Variants in RNF130 observed in about 807,000 individuals in gnomAD.
RNF130 encodes the protein ring finger protein 130.
In RNF130, 21 loss-of-function variants were observed where a neutral mutation model predicts 44.6. The observed-to-expected ratio is 0.47, with a 90% CI of 0.33 to 0.68. The LOEUF (loss-of-function observed/expected upper bound fraction) is 0.68. Among genes scored for constraint, RNF130 ranks in the 30% least tolerant of loss-of-function variants. RNF130 has a pLI of 0.02. For missense variants in RNF130, 479 were observed against 560.6 expected (o/e 0.85, Z 1.47); for synonymous variants, 214 against 210.4 (o/e 1.02, Z -0.15).
At chr5:179,964,749 T>C (rs552809106) in intron 7 of RNF130, among the ~76,000 whole-genome samples, 1 of 152,320 alleles carries the variant, frequency 6.6e-6, no homozygotes, top group East Asian at 1.9e-4. Flanking sequence ...GTCCAGAGAG[T>C]GCTCTAGGAG....
chr5:180,065,629 G>A (rs572174043), intron 1 of RNF130, among the ~76,000 whole-genome samples: 44 of 152,080 alleles, frequency 2.9e-4, no homozygotes, highest in African/African-American at 9.6e-4. Context: ...GTGTGGTGGT[G>A]GGCACCTGTA....
At chr5:180,051,415 AATTTTTTGT>A (rs1764686365) in intron 1 of RNF130, among the ~76,000 whole-genome samples, 2 of 151,626 alleles carry the variant, frequency 1.3e-5, no homozygotes, top group Admixed American at 1.3e-4. Flanking sequence ...ACACCTGGCT[AATTTTTTGT>A]ATTTTTAGTA....
At chr5:179,938,662 T>C (rs982285535) in intron 7 of RNF130, among the ~76,000 whole-genome samples, 3 of 152,128 alleles carry the variant, frequency 2.0e-5, no homozygotes, top group African/African-American at 7.2e-5. Context: ...ATTTAAATAA[T>C]TGTCAAAATT....
At chr5:179,928,529 T>C (rs1172457771) in intron 7 of RNF130, among the ~76,000 whole-genome samples, 2 of 152,198 alleles carry the variant, frequency 1.3e-5, no homozygotes, top group Non-Finnish European at 2.9e-5. Context: ...CATTTTCCCA[T>C]CAGGTTGTCA....
At chr5:180,029,048 C>T (rs1764062732) in intron 2 of RNF130, among the ~76,000 whole-genome samples, 1 of 152,138 alleles carries the variant, frequency 6.6e-6, no homozygotes, top group Non-Finnish European at 1.5e-5. Flanking sequence ...CTCCGTTACC[C>T]GAAATCACAA....
chr5:179,968,394 G>A (rs372510829), intron 6 of RNF130, among the ~76,000 whole-genome samples: 385 of 152,226 alleles, frequency 2.5e-3, no homozygotes, highest in Non-Finnish European at 4.5e-3. Flanking sequence ...GGCCAGGCAC[G>A]GTGGCTCACG....
At chr5:179,980,236 T>C (rs893774062) in intron 3 of RNF130, 36 bp from the exon 4 acceptor site, 3 of 1,576,350 alleles carry the variant, frequency 1.9e-6, no homozygotes, top group Non-Finnish European at 2.6e-6. Context: ...ATACTAAGTG[T>C]AAGATCTCTG....
At position 179,980,125 on chromosome 5, in the gene RNF130, G is replaced by A. The variant is rs1239249362; in HGVS notation, c.765+4C>T. The A allele has an allele frequency of 6.2e-7, 1 of 1,613,614 alleles. No individual in the cohort carries two copies. Among genetic ancestry groups the A allele is most frequent in the Non-Finnish European group, 8.5e-7 (1 of 1,179,608 alleles). ...ACGGTGCTGAAGTTGTTTCATGACT[G>A]TACCTTGTCACCCTTCTTTACTGTC... On this transcript the variant is annotated splice_donor_region_variant and intron_variant, in intron 4 of 8. Coordinates refer to ENST00000521389, the MANE Select transcript of RNF130 (RefSeq NM_018434.6).
intron 3 of RNF130, among the ~76,000 whole-genome samples, chr5:179,990,420 A>G (rs1763054022): frequency 6.6e-6 from 1 of 152,300 alleles, no homozygotes; most frequent in Non-Finnish European, 1.5e-5. Context: ...TAGAGGGCGG[A>G]GCCAGGTGTA....
intron 7 of RNF130, among the ~76,000 whole-genome samples, chr5:179,929,986 T>C (rs1761782030): frequency 2.0e-5 from 3 of 152,206 alleles, no homozygotes; most frequent in African/African-American, 4.8e-5. Context: ...CTTACATATA[T>C]TCCTCAGTAT....
intron 3 of RNF130, among the ~76,000 whole-genome samples, chr5:179,993,291 A>G (rs1437814965): frequency 6.6e-6 from 1 of 152,228 alleles, no homozygotes; most frequent in African/African-American, 2.4e-5. Flanking sequence ...TCCTTGAGGA[A>G]TCACCACACT....
chr5:179,982,978 G>A (rs979307449), intron 3 of RNF130, among the ~76,000 whole-genome samples: 15 of 152,110 alleles, frequency 9.9e-5, no homozygotes, highest in Admixed American at 3.3e-4. Context: ...GTGGTGAAGT[G>A]TCTGTTCATG....
At chr5:179,946,376 C>T (rs1211725556) in intron 7 of RNF130, among the ~76,000 whole-genome samples, 2 of 152,130 alleles carry the variant, frequency 1.3e-5, no homozygotes, top group Admixed American at 6.5e-5. Flanking sequence ...TGAGAAACCC[C>T]GTTTCAAAAT....
In RNF130 at chr5:180,069,272, T is replaced by A. The variant is rs542504145; in HGVS notation, c.247+2184A>T. 1.5e-3 allele frequency among the ~76,000 whole-genome samples: 225 copies of A among 152,354 alleles called. 2 individuals are homozygous for A. Among genetic ancestry groups the A allele is most frequent in the African/African-American group, 5.2e-3 (217 of 41,580 alleles). On this transcript the variant is annotated intron_variant, in intron 1 of 8. Transcript: ENST00000521389. ...TTAAATCTGTTTTGTTCACTGCTGT[T>A]GCCTCTCCTTCACCAATGCCTTGAC...
At chr5:180,004,295 ACTGTGCC>A (rs1763414594) in intron 3 of RNF130, among the ~76,000 whole-genome samples, 1 of 152,212 alleles carries the variant, frequency 6.6e-6, no homozygotes, top group Non-Finnish European at 1.5e-5. Context: ...CGTACTTCAC[ACTGTGCC>A]CTATTCCTTT....
chr5:180,055,264 A>C (rs1254784736), intron 1 of RNF130, among the ~76,000 whole-genome samples: 5 of 27,726 alleles, frequency 1.8e-4, no homozygotes, highest in Admixed American at 5.1e-4. Flanking sequence ...AAAAAAAAAA[A>C]AAAAAAAAAA....
downstream of RNF130, among the ~76,000 whole-genome samples, chr5:179,951,325 C>T (rs993775637): frequency 7.9e-5 from 12 of 151,624 alleles, no homozygotes; most frequent in East Asian, 9.6e-4. Flanking sequence ...TTGAGCAACA[C>T]GATTAACTAG....
intron 7 of RNF130, among the ~76,000 whole-genome samples, chr5:179,933,490 T>C (rs1053546895): frequency 3.3e-5 from 5 of 151,796 alleles, no homozygotes; most frequent in Non-Finnish European, 7.4e-5. Context: ...GTGGTTTTTG[T>C]CCATTGAGGC....
chr5:180,006,597 T>C (rs796376048), intron 3 of RNF130, among the ~76,000 whole-genome samples: 7 of 152,364 alleles, frequency 4.6e-5, no homozygotes, highest in African/African-American at 1.7e-4. Flanking sequence ...GTTTTAAGAA[T>C]ACATTCTAAA....
Sources: gnomAD v4.1 joint callset for allele counts (sites outside exome capture counted in the v4.1 genomes callset) on GRCh38, gnomAD v4.1.1 for gene constraint, MANE v1.5 for transcripts, NCBI Gene and HGNC (gene_info 2026-07-23, HGNC 2026-07-21) for gene names.